Variants in ABCC4 observed in about 807,000 individuals in gnomAD.
The protein encoded by ABCC4 is ATP-binding cassette sub-family C member 4.
A neutral mutation model predicts 168.5 loss-of-function variants in ABCC4; 102 were observed. The observed-to-expected ratio is 0.61, with a 90% CI of 0.52 to 0.71. The LOEUF (loss-of-function observed/expected upper bound fraction) is 0.71. Ranked by LOEUF, ABCC4 falls within the 30% of genes least tolerant of loss-of-function variation. ABCC4 has a pLI of 0.00. For synonymous variants in ABCC4, 617 were observed against 590.7 expected (o/e 1.04, Z -0.65); for missense variants, 1,402 against 1,605.8 (o/e 0.87, Z 2.17).
chr13:95,191,006 G>A (rs4148485), intron 9 of ABCC4, among the ~76,000 whole-genome samples: 50,110 of 152,062 alleles, frequency 0.33, 8,496 homozygotes, highest in African/African-American at 0.42. Context: ...TGAATCTGGC[G>A]TCCCTGAAGG....
In ABCC4 at chr13:95,129,989, C is replaced by T. The variant is rs1260330419; in HGVS notation, c.2456-13988G>A. 5.3e-5 allele frequency among the ~76,000 whole-genome samples: 8 copies of T among 151,636 alleles called. No homozygotes were observed. In the South Asian group the frequency reaches 6.2e-4, roughly 12 times the overall value. On this transcript the variant is annotated intron_variant, in intron 19 of 30. Coordinates refer to ENST00000645237, the MANE Select transcript of ABCC4 (RefSeq NM_005845.5). Reference sequence around the variant, plus strand: ...ACTTGGGAGGCTGAGGCAGAAGAATCGCTTGAACCTGGGGAGTGGAGGTTG... The same window carrying T: ...ACTTGGGAGGCTGAGGCAGAAGAATTGCTTGAACCTGGGGAGTGGAGGTTG...
chr13:95,228,802 G>A (rs898668702), intron 4 of ABCC4, among the ~76,000 whole-genome samples: 2 of 151,252 alleles, frequency 1.3e-5, no homozygotes, highest in East Asian at 1.9e-4. Flanking sequence ...GCTCACACCT[G>A]TAATCCTGGT....
At chr13:95,157,905 C>A (rs1269115824) in intron 19 of ABCC4, among the ~76,000 whole-genome samples, 19 of 151,310 alleles carry the variant, frequency 1.3e-4, no homozygotes, top group Non-Finnish European at 2.6e-4. Context: ...CCCGTCTCTA[C>A]TAAAAAAGTA....
At chr13:95,123,108 T>C (rs913976601) in intron 19 of ABCC4, among the ~76,000 whole-genome samples, 9 of 152,206 alleles carry the variant, frequency 5.9e-5, no homozygotes, top group African/African-American at 1.9e-4. Context: ...GGTGAGACTG[T>C]CTACACTAAG....
At chr13:95,072,485 A>G (rs1298633030) in intron 24 of ABCC4, among the ~76,000 whole-genome samples, 1 of 152,138 alleles carries the variant, frequency 6.6e-6, no homozygotes, top group African/African-American at 2.4e-5. Flanking sequence ...CCCAAAAAAG[A>G]ATCTTTTGCT....
chr13:95,099,192 A>C (rs1014434608), intron 20 of ABCC4, among the ~76,000 whole-genome samples: 4 of 152,226 alleles, frequency 2.6e-5, no homozygotes, highest in Non-Finnish European at 1.5e-5. Flanking sequence ...AAGAAAACAA[A>C]GAAATGAACC....
intron 19 of ABCC4, among the ~76,000 whole-genome samples, chr13:95,145,459 T>TA (rs879937738): frequency 1.8e-3 from 212 of 117,788 alleles, no homozygotes; most frequent in African/African-American, 2.7e-3. Flanking sequence ...CATCTCTACC[T>TA]AAAAAAAAAA....
At chr13:95,238,473 A>T (rs1035543194) in intron 3 of ABCC4, among the ~76,000 whole-genome samples, 1 of 152,058 alleles carries the variant, frequency 6.6e-6, no homozygotes, top group East Asian at 1.9e-4. Flanking sequence ...AAGATTCTGG[A>T]GTGTAGAAAC....
At chr13:95,232,385 T>C (rs1380322241) in intron 4 of ABCC4, among the ~76,000 whole-genome samples, 2 of 152,044 alleles carry the variant, frequency 1.3e-5, no homozygotes, top group Admixed American at 6.6e-5. Context: ...AAGAATACTT[T>C]AAATTTAAAT....
At chr13:95,044,638 T>G (rs1486983875) in intron 27 of ABCC4, among the ~76,000 whole-genome samples, 200 bp from the exon 28 acceptor site, 8 of 152,154 alleles carry the variant, frequency 5.3e-5, no homozygotes, top group Non-Finnish European at 1.2e-4. Context: ...TATTCTGACT[T>G]AAGAGAACAA....
rs1033738918 is a variant in ABCC4 at position 95,075,623 on chromosome 13, T to C, written c.2687-72A>G. The C allele has an allele frequency of 2.5e-6, 4 of 1,595,798 alleles. No individual in the cohort carries two copies. In the Admixed American group the frequency reaches 5.2e-5, roughly 21 times the overall value. On this transcript the variant is annotated intron_variant, in intron 21 of 30. Transcript: ENST00000645237. ...AAAACCTGCGGCCTCCCAAGCTCCA[T>C]GGTCACGTATCCACCAAACAGCACA... is the stretch of plus-strand genomic sequence containing the variant.
chr13:95,164,498 T>G lies in ABCC4; in HGVS notation c.2055A>C (p.Thr685=). The stretch of plus-strand genomic sequence containing the variant: ...CTTCAGAACGGTTCTCCTCTGATAG[T>G]GTAACTGGGACATTCTCTGTCTGCA... The part of the protein sequence containing the change: ...ESQDTENVPV[T]LSEENRSEGK... The change falls in exon 16 of 31, where the codon ACA becomes ACC. Residue 685 remains threonine, a synonymous_variant. Transcript: ENST00000645237. The G allele has an allele frequency of 6.2e-7, 1 of 1,614,038 alleles. No individual in the cohort carries two copies. The highest frequency in any genetic ancestry group is 8.5e-7 in the Non-Finnish European group (1 of 1,179,986).
At chr13:95,081,672 T>C (rs1289760352) in intron 21 of ABCC4, among the ~76,000 whole-genome samples, 2 of 152,184 alleles carry the variant, frequency 1.3e-5, no homozygotes, top group East Asian at 1.9e-4. Flanking sequence ...TCACCCCTTC[T>C]ACTTCATGCA....
At chr13:95,190,520 C>T (rs1566509272) in intron 9 of ABCC4, among the ~76,000 whole-genome samples, 1 of 152,058 alleles carries the variant, frequency 6.6e-6, no homozygotes, top group African/African-American at 2.4e-5. Flanking sequence ...AGGAGGTTTC[C>T]TCTTCTCATA....
At chr13:95,194,592 G>T (rs1254762059) in intron 9 of ABCC4, among the ~76,000 whole-genome samples, 7 of 152,168 alleles carry the variant, frequency 4.6e-5, no homozygotes, top group African/African-American at 1.7e-4. Flanking sequence ...TTAGAACGAG[G>T]TAACACTTTC....
At chr13:95,076,031 T>G (rs1275352608) in intron 21 of ABCC4, among the ~76,000 whole-genome samples, 1 of 152,192 alleles carries the variant, frequency 6.6e-6, no homozygotes, top group Non-Finnish European at 1.5e-5. Context: ...GCTATAGCCA[T>G]TGCACCCTGG....
chr13:95,187,713 T>A (rs750143258), intron 10 of ABCC4, among the ~76,000 whole-genome samples: 3 of 152,222 alleles, frequency 2.0e-5, no homozygotes. Context: ...AAGAATCGTG[T>A]CTCTGAAGAG....
intron 11 of ABCC4, among the ~76,000 whole-genome samples, chr13:95,182,868 T>C (rs2037941572): frequency 6.6e-6 from 1 of 152,186 alleles, no homozygotes; most frequent in African/African-American, 2.4e-5. Flanking sequence ...TGTCCTGTCA[T>C]TTGCTACGAT....
intron 20 of ABCC4, among the ~76,000 whole-genome samples, chr13:95,099,948 A>T (rs1594093632): frequency 6.6e-6 from 1 of 152,350 alleles, no homozygotes; most frequent in South Asian, 2.1e-4. Flanking sequence ...AATAAAACTC[A>T]GGCAAGTTCT....
Sources: allele counts gnomAD v4.1 joint callset (sites outside exome capture counted in the v4.1 genomes callset), GRCh38; gene constraint gnomAD v4.1.1; transcripts MANE v1.5; gene names NCBI Gene and HGNC (gene_info 2026-07-23, HGNC 2026-07-21).